UNC13B: variants seen among roughly 807,000 people sequenced by gnomAD.
UNC13B encodes the protein unc-13 homolog B.
Under a neutral mutation model 211.0 loss-of-function variants are expected in UNC13B, and 144 were observed. The observed-to-expected ratio is 0.68, with a 90% CI of 0.60 to 0.78. The LOEUF (loss-of-function observed/expected upper bound fraction) is 0.78, where lower values mean the gene tolerates loss of function less well. Ranked by LOEUF, UNC13B falls within the 30% of genes least tolerant of loss-of-function variation. UNC13B has a pLI of 0.00. For synonymous variants in UNC13B, 709 were observed against 725.8 expected (o/e 0.98, Z 0.37); for missense variants, 1,777 against 2,002.0 (o/e 0.89, Z 2.14).
intron 1 of UNC13B, among the ~76,000 whole-genome samples, chr9:35,165,433 A>AT (rs1820983825): frequency 1.6e-5 from 2 of 124,404 alleles, no homozygotes; most frequent in East Asian, 2.3e-4. Flanking sequence ...TTTTTTTTTA[A>AT]TTTTTTGAGA....
chr9:35,272,483 C>A (rs539111123), intron 7 of UNC13B, among the ~76,000 whole-genome samples: 1 of 152,164 alleles, frequency 6.6e-6, no homozygotes, highest in Non-Finnish European at 1.5e-5. Flanking sequence ...GCCTCGAACT[C>A]CTGACCTCAA....
chr9:35,371,075 T>G (rs867043754), intron 13 of UNC13B, among the ~76,000 whole-genome samples: 2 of 152,214 alleles, frequency 1.3e-5, no homozygotes, highest in Admixed American at 6.5e-5. Context: ...CTCAGAGCTC[T>G]AAAGCTAGAA....
chr9:35,277,040 T>C (rs1828215919), intron 7 of UNC13B, among the ~76,000 whole-genome samples: 1 of 152,176 alleles, frequency 6.6e-6, no homozygotes, highest in Non-Finnish European at 1.5e-5. Context: ...TTTTCCTTCA[T>C]ATGGGACTGG....
intron 11 of UNC13B, among the ~76,000 whole-genome samples, chr9:35,326,366 T>C (rs1186018499): frequency 2.6e-5 from 4 of 152,158 alleles, no homozygotes; most frequent in Non-Finnish European, 2.9e-5. Context: ...TCACATATAC[T>C]ATGTTTTTTC....
At chr9:35,230,367 T>G (rs1469859378) in intron 2 of UNC13B, among the ~76,000 whole-genome samples, 1 of 148,586 alleles carries the variant, frequency 6.7e-6, no homozygotes, top group Non-Finnish European at 1.5e-5. Flanking sequence ...GCTACTTGGG[T>G]AGCTGAGGCA....
Position 35,301,713 on chromosome 9 carries a change from G to A in UNC13B, c.2309G>A (p.Cys770Tyr), listed in dbSNP as rs945615688. Residue 770 changes from cysteine to tyrosine, a missense_variant, in exon 9 of 40, where the codon TGT (cysteine) becomes TAT (tyrosine). Physicochemically the swap from Cys to Tyr is radical, Grantham distance 194 (BLOSUM62 -2). Coordinates refer to ENST00000635942, the MANE Select transcript of UNC13B (RefSeq NM_001371189.2). ...CTTTTACCAGATCAACAAAAAATAT[G>A]TGCCAAAGATACTCCAGGACATCCT... ...LSLLPDQQKI[C>Y]AKDTPGHPCI... 3 of 398,740 alleles carry A rather than the reference G, an allele frequency of 7.5e-6. No homozygotes were observed. The highest frequency in any genetic ancestry group is 1.3e-4 in the South Asian group (1 of 7,850). The allele number at this position is 398,740 out of a possible 1,614,324, so 24.7% of individuals were successfully genotyped here. A position where few individuals can be genotyped will look rare whatever the true frequency, so the allele number is the denominator to read the frequency against.
intron 3 of UNC13B, among the ~76,000 whole-genome samples, chr9:35,232,718 A>G (rs2131512164): frequency 6.6e-6 from 1 of 152,302 alleles, no homozygotes; most frequent in East Asian, 1.9e-4. Context: ...AGGAAGGATG[A>G]GAGGTACAGA....
chr9:35,213,019 T>C (rs1824054617), intron 1 of UNC13B, among the ~76,000 whole-genome samples: 1 of 152,216 alleles, frequency 6.6e-6, no homozygotes, highest in Admixed American at 6.5e-5. Context: ...AGTACCCACC[T>C]TTTCTGGTGG....
At chr9:35,331,990 CTT>C (rs111856770) in intron 11 of UNC13B, among the ~76,000 whole-genome samples, 4 of 144,938 alleles carry the variant, frequency 2.8e-5, no homozygotes, top group African/African-American at 2.5e-5. Flanking sequence ...TCCAACTAGC[CTT>C]TTTTTTTTTT....
intron 1 of UNC13B, among the ~76,000 whole-genome samples, chr9:35,216,896 G>GA (rs1236864566): frequency 1.3e-5 from 2 of 151,714 alleles, no homozygotes; most frequent in Admixed American, 1.3e-4. Flanking sequence ...ATGCTGAGTG[G>GA]AAAAAAAACA....
At chr9:35,262,026 T>C (rs2131638927) in intron 7 of UNC13B, among the ~76,000 whole-genome samples, 1 of 152,328 alleles carries the variant, frequency 6.6e-6, no homozygotes, top group African/African-American at 2.4e-5. Context: ...CATTCATCTG[T>C]TGATGGAAGC....
Position 35,399,713 on chromosome 9 carries a change from C to T in UNC13B, c.12320C>T (p.Ala4107Val), listed in dbSNP as rs987424803. Residue 4107 changes from alanine (A) to valine (V), a missense_variant, in exon 36 of 40, where the codon GCC becomes GTC. Coordinates refer to ENST00000635942, the MANE Select transcript of UNC13B (RefSeq NM_001371189.2). ...AAGCAGTGTGCAGTCCTTGACCTCG[C>T]CCTGGACACCATCAAGGTGGAGGCC... ...TPKQCAVLDL[A>V]LDTIKQYFHA... 36 of 1,613,960 alleles carry T rather than the reference C, an allele frequency of 2.2e-5. No individual in the cohort carries two copies. Among genetic ancestry groups the T allele is most frequent in the Non-Finnish European group, 3.0e-5 (35 of 1,180,026 alleles).
intron 1 of UNC13B, among the ~76,000 whole-genome samples, chr9:35,205,576 G>A (rs1823598215): frequency 6.6e-6 from 1 of 152,102 alleles, no homozygotes; most frequent in African/African-American, 2.4e-5. Flanking sequence ...CTCCAACTGG[G>A]AAACCACGAA....
intron 12 of UNC13B, among the ~76,000 whole-genome samples, chr9:35,369,648 C>G (rs1833992631): frequency 6.6e-6 from 1 of 152,216 alleles, no homozygotes; most frequent in African/African-American, 2.4e-5. Flanking sequence ...CATACAGTCC[C>G]TTTGCTGTTT....
intron 1 of UNC13B, among the ~76,000 whole-genome samples, chr9:35,226,370 G>A (rs1213525452): frequency 6.6e-6 from 1 of 152,042 alleles, no homozygotes; most frequent in South Asian, 2.1e-4. Context: ...GTGTGTGTGT[G>A]TATGTGTGTG....
Position 35,405,213 on chromosome 9 carries a change from G to C in UNC13B, c.*1180G>C, listed in dbSNP as rs934283602. The C allele has an allele frequency of 4.6e-5, 7 of 152,598 alleles. No individual in the cohort carries two copies. The highest frequency in any genetic ancestry group is 1.7e-4 in the African/African-American group (7 of 41,432). 9.5% of individuals were successfully genotyped at this position (152,598 alleles called of 1,614,324 possible). On this transcript the variant is annotated 3_prime_UTR_variant, in exon 40 of 40. Transcript: ENST00000635942. ...CTGGACTTCCTGAGGACTCGACATT[G>C]TCCACAGATGTACTGGCCATTACAT... is the stretch of plus-strand genomic sequence containing the variant.
intron 6 of UNC13B, among the ~76,000 whole-genome samples, chr9:35,249,295 T>C (rs990890197): frequency 6.6e-6 from 1 of 151,998 alleles, no homozygotes; most frequent in Non-Finnish European, 1.5e-5. Flanking sequence ...TTGATGAGTC[T>C]TGACTCTTTA....
At chr9:35,234,960 T>C (rs538807263) in intron 3 of UNC13B, among the ~76,000 whole-genome samples, 46 of 152,350 alleles carry the variant, frequency 3.0e-4, no homozygotes, top group African/African-American at 1.0e-3. Flanking sequence ...TGAGAATGCC[T>C]TTCTGCTTTC....
At chr9:35,264,815 C>T (rs1241898098) in intron 7 of UNC13B, among the ~76,000 whole-genome samples, 1 of 152,136 alleles carries the variant, frequency 6.6e-6, no homozygotes, top group Non-Finnish European at 1.5e-5. Context: ...ATGGAATTCA[C>T]CTTGGTAGGC....
Sources: allele counts gnomAD v4.1 joint callset (sites outside exome capture counted in the v4.1 genomes callset), GRCh38; gene constraint gnomAD v4.1.1; transcripts MANE v1.5; gene names NCBI Gene and HGNC (gene_info 2026-07-23, HGNC 2026-07-21).